AGMO: variants seen among roughly 807,000 people sequenced by gnomAD.
AGMO encodes the protein glyceryl-ether monooxygenase.
In AGMO, 75 loss-of-function variants were observed where a neutral mutation model predicts 60.2. The observed-to-expected ratio is 1.25, with a 90% CI of 1.03 to 1.51. The LOEUF (loss-of-function observed/expected upper bound fraction) is 1.51, where lower values mean the gene tolerates loss of function less well. Ranked by LOEUF, AGMO falls within the 40% of genes most tolerant of loss-of-function variation. The pLI, the probability that AGMO is intolerant of heterozygous loss-of-function variation, is 0.00. For synonymous variants in AGMO, 261 were observed against 177.1 expected, an observed-to-expected ratio of 1.47 and a Z score of -3.76; for missense variants, 763 against 525.5, an observed-to-expected ratio of 1.45 and a Z score of -4.42.
intron 12 of AGMO, among the ~76,000 whole-genome samples, chr7:15,232,362 A>T (rs1301979037): frequency 6.6e-6 from 1 of 152,220 alleles, no homozygotes; most frequent in Non-Finnish European, 1.5e-5. Flanking sequence ...AGTAAAAGAT[A>T]GCTTTTCCCT....
intron 12 of AGMO, among the ~76,000 whole-genome samples, chr7:15,272,822 G>A (rs867844419): frequency 2.7e-4 from 41 of 151,906 alleles, no homozygotes; most frequent in African/African-American, 7.5e-4. Context: ...TTTAATGATC[G>A]CCATTCTAAC....
In AGMO at chr7:15,366,178, G is replaced by A. The variant is rs1244219416; in HGVS notation, c.1119C>T (p.Ile373=). 1.2e-6 allele frequency: 2 copies of A among 1,609,308 alleles called. No individual in the cohort carries two copies. The highest frequency in any genetic ancestry group is 1.7e-6 in the Non-Finnish European group (2 of 1,177,284). Residue 373 remains isoleucine, a synonymous_variant, in exon 11 of 13, where the codon ATC becomes ATT. Coordinates refer to ENST00000342526, the MANE Select transcript of AGMO (RefSeq NM_001004320.2). ...GAAATCCAATGGAAGTCAAGGTCAG[G>A]ATAATGAAGCAAACCCTCAGAAGGA... ...VTLLLRVCFI[I]LTLTSIGFLL...
chr7:15,354,387 T>TATATATACGC (rs1563105157), intron 12 of AGMO, among the ~76,000 whole-genome samples: 3 of 38,162 alleles, frequency 7.9e-5, no homozygotes, highest in Non-Finnish European at 1.3e-4. Context: ...TATACACGTG[T>TATATATACGC]GTGTATACAC....
At chr7:15,378,354 T>A (rs1783535692) in intron 10 of AGMO, among the ~76,000 whole-genome samples, 1 of 152,048 alleles carries the variant, frequency 6.6e-6, no homozygotes, top group Admixed American at 6.6e-5. Context: ...AGTTTTAAAA[T>A]AATGTTAAAA....
At chr7:15,526,980 T>G (rs1784145136) in intron 3 of AGMO, among the ~76,000 whole-genome samples, 1 of 152,216 alleles carries the variant, frequency 6.6e-6, no homozygotes, top group African/African-American at 2.4e-5. Flanking sequence ...TTTTGTGTGT[T>G]CTGAGTACTC....
the AGMO span, among the ~76,000 whole-genome samples, chr7:15,185,561 C>T: frequency 0.22 from 33,322 of 152,120 alleles, 3,879 homozygotes; most frequent in South Asian, 0.32. Context: ...AACTACGGGG[C>T]TTCTGTCTCA....
intron 10 of AGMO, among the ~76,000 whole-genome samples, chr7:15,371,900 A>C (rs1255406088): frequency 6.8e-6 from 1 of 147,346 alleles, no homozygotes; most frequent in Non-Finnish European, 1.5e-5. Context: ...TTCAATCAAT[A>C]GTTTAATATT....
the AGMO span, among the ~76,000 whole-genome samples, chr7:15,169,626 G>A: frequency 3.3e-5 from 5 of 151,938 alleles, no homozygotes; most frequent in Non-Finnish European, 7.4e-5. Flanking sequence ...TAGTAGAGAT[G>A]GGGTTTCACT....
At chr7:15,500,396 C>T (rs1376787034) in intron 3 of AGMO, among the ~76,000 whole-genome samples, 1 of 151,748 alleles carries the variant, frequency 6.6e-6, no homozygotes, top group East Asian at 1.9e-4. Flanking sequence ...AACCAAATTT[C>T]TCATTGTAAG....
At chr7:15,386,483 T>C (rs1783919014) in intron 9 of AGMO, among the ~76,000 whole-genome samples, 1 of 152,154 alleles carries the variant, frequency 6.6e-6, no homozygotes. Context: ...GGAGTTGAAA[T>C]ATAAAAATTA....
At chr7:15,356,756 A>T (rs943294725) in intron 12 of AGMO, among the ~76,000 whole-genome samples, 2 of 151,846 alleles carry the variant, frequency 1.3e-5, no homozygotes, top group Admixed American at 1.3e-4. Context: ...TGTGATTAAA[A>T]ATATTAAATA....
chr7:15,355,447 G>T, intron 12 of AGMO, among the ~76,000 whole-genome samples: 1 of 132,238 alleles, frequency 7.6e-6, no homozygotes, highest in African/African-American at 2.9e-5. Context: ...AGCTTGCAGT[G>T]AGCCCAGATC....
At chr7:15,124,766 T>G in the AGMO span, among the ~76,000 whole-genome samples, 1 of 152,100 alleles carries the variant, frequency 6.6e-6, no homozygotes, top group African/African-American at 2.4e-5. Context: ...CTTCTCAGGA[T>G]GTTATGCAAA....
intron 5 of AGMO, among the ~76,000 whole-genome samples, chr7:15,414,701 A>G (rs986265203): frequency 6.6e-6 from 1 of 152,228 alleles, no homozygotes; most frequent in Non-Finnish European, 1.5e-5. Context: ...CATGACAAAA[A>G]TCCTAGAGAA....
In AGMO at chr7:15,393,818, T is replaced by A. The variant is rs1259134005; in HGVS notation, c.676+295A>T. Among the ~76,000 whole-genome samples, 3 of 152,160 alleles carry A rather than the reference T, an allele frequency of 2.0e-5. No individual in the cohort carries two copies. In the South Asian group the frequency reaches 6.2e-4, roughly 32 times the overall value. On this transcript the variant is annotated intron_variant, in intron 6 of 12. Coordinates refer to ENST00000342526, the MANE Select transcript of AGMO (RefSeq NM_001004320.2). Reference sequence around the variant, plus strand: ...ACAGAATCCTTTAAAACATAAAATGTGTATTTCCTCAGCTGGTTAACTCAT... The same window carrying A: ...ACAGAATCCTTTAAAACATAAAATGAGTATTTCCTCAGCTGGTTAACTCAT...
rs1785321928 is a variant in AGMO, at chr7:15,561,907, C to T, written c.-62G>A. Reference sequence around the variant, plus strand: ...AGGATTCAATGCTTGAAGCCTGAGGCTGAACAAAGAGGACGAGATGTGCAG... The same window carrying T: ...AGGATTCAATGCTTGAAGCCTGAGGTTGAACAAAGAGGACGAGATGTGCAG... On this transcript the variant is annotated 5_prime_UTR_variant, in exon 1 of 13. Transcript: ENST00000342526. 6.6e-7 allele frequency: 1 copy of T among 1,518,306 alleles called. No homozygotes were observed. The highest frequency in any genetic ancestry group is 1.4e-5 in the African/African-American group (1 of 71,498). The allele number at this position is 1,518,306 out of a possible 1,614,324, so 94.1% of individuals were successfully genotyped here. A position where few individuals can be genotyped will look rare whatever the true frequency, so the allele number is the denominator to read the frequency against.
At chr7:15,544,386 A>G (rs1389764444) in intron 3 of AGMO, among the ~76,000 whole-genome samples, 1 of 152,100 alleles carries the variant, frequency 6.6e-6, no homozygotes, top group Non-Finnish European at 1.5e-5. Context: ...ATTAAACACA[A>G]ACAAAAAAAC....
intron 12 of AGMO, among the ~76,000 whole-genome samples, chr7:15,329,539 C>T (rs776628052): frequency 1.3e-5 from 2 of 152,110 alleles, no homozygotes; most frequent in African/African-American, 4.8e-5. Flanking sequence ...AATGACAGAA[C>T]AACAGTTCAA....
intron 12 of AGMO, among the ~76,000 whole-genome samples, chr7:15,228,662 G>C (rs758196312): frequency 4.7e-4 from 72 of 152,126 alleles, no homozygotes; most frequent in Non-Finnish European, 8.8e-4. Flanking sequence ...AATATACCAA[G>C]AGATATAAAT....
Sources: allele counts gnomAD v4.1 joint callset (sites outside exome capture counted in the v4.1 genomes callset), GRCh38; gene constraint gnomAD v4.1.1; transcripts MANE v1.5; gene names NCBI Gene and HGNC (gene_info 2026-07-23, HGNC 2026-07-21).